The following COL5A1 variants were observed in gnomAD, a reference collection of about 807,000 sequenced individuals.
The protein encoded by COL5A1 is collagen alpha-1(V) chain.
Under a neutral mutation model 263.7 loss-of-function variants are expected in COL5A1, and 16 were observed. The observed-to-expected ratio is 0.06, with a 90% CI of 0.04 to 0.09. The LOEUF is 0.09. Ranked by LOEUF, COL5A1 falls within the 10% of genes least tolerant of loss-of-function variation. COL5A1 has a pLI of 1.00. For missense variants in COL5A1, 2,036 were observed against 2,540.5 expected, an observed-to-expected ratio of 0.80 and a Z score of 4.27; for synonymous variants, 1,012 against 1,004.5, an observed-to-expected ratio of 1.01 and a Z score of -0.14.
At chr9:134,839,277 C>T (rs1293010726) in intron 65 of COL5A1, among the ~76,000 whole-genome samples, 2 of 152,182 alleles carry the variant, frequency 1.3e-5, no homozygotes, top group East Asian at 3.9e-4. Flanking sequence ...TCTGGGGGGC[C>T]GTTCTGGCCT....
intron 4 of COL5A1, among the ~76,000 whole-genome samples, chr9:134,714,667 A>AGTG (rs1323982157): frequency 9.7e-5 from 1 of 10,356 alleles, no homozygotes; most frequent in South Asian, 4.1e-3. Flanking sequence ...AGGCGATGAT[A>AGTG]GTGGTGGTGG....
chr9:134,814,185 C>A, intron 49 of COL5A1, 149 bp downstream of exon 49: 1 of 806,538 alleles, frequency 1.2e-6, no homozygotes, highest in Non-Finnish European at 2.0e-6. Flanking sequence ...ATGGAATGAC[C>A]GTGAACAAGG....
chr9:134,811,713 G>A lies in COL5A1; in HGVS notation c.3690+114G>A. On this transcript the variant is annotated intron_variant, in intron 46 of 65. Coordinates refer to ENST00000371817, the MANE Select transcript of COL5A1 (RefSeq NM_000093.5). ...AATGGAAAACTAAAGCCAGGCTGCA[G>A]GGGGCCTCCTGGGCCTCCTCATTCC... The A allele has an allele frequency of 7.4e-6, 7 of 941,630 alleles. No homozygotes were observed. The East Asian group carries it at 1.3e-4, about 18-fold the overall frequency. 58.3% of individuals were successfully genotyped at this position (941,630 alleles called of 1,614,324 possible).
At chr9:134,654,500 T>A in intron 1 of COL5A1, among the ~76,000 whole-genome samples, 1 of 40,944 alleles carries the variant, frequency 2.4e-5, no homozygotes, top group East Asian at 7.8e-4. Context: ...GTAGAGCTGG[T>A]GTGTGTAGGG....
At position 134,717,072 on chromosome 9, in the gene COL5A1, C is replaced by T. The variant is rs78754759; in HGVS notation, c.655-10194C>T. 8.9e-4 allele frequency among the ~76,000 whole-genome samples: 136 copies of T among 152,232 alleles called. 1 individual carries two copies. In the East Asian group the frequency reaches 0.022, roughly 24 times the overall value. Reference sequence around the variant, plus strand: ...TTGTTTTTCCATTTTGTATGACTCACGGATGAAGAACATCAAAGCGAGATT... The same window carrying T: ...TTGTTTTTCCATTTTGTATGACTCATGGATGAAGAACATCAAAGCGAGATT... On this transcript the variant is annotated intron_variant, in intron 4 of 65. Transcript: ENST00000371817.
At chr9:134,809,343 T>TG (rs2132839085) in intron 43 of COL5A1, 53 bp downstream of exon 43, 1 of 1,364,640 alleles carries the variant, frequency 7.3e-7, no homozygotes, top group East Asian at 2.4e-5. Flanking sequence ...CAGACGGGTG[T>TG]GGGGGAGGGT....
intron 1 of COL5A1, among the ~76,000 whole-genome samples, chr9:134,688,316 C>T (rs761364226): frequency 1.2e-3 from 188 of 152,286 alleles, no homozygotes; most frequent in Admixed American, 3.5e-3. Context: ...CGGCCGGGAT[C>T]CTTGCTCCCC....
At chr9:134,825,652 C>T (rs1839235014) in intron 62 of COL5A1, 140 bp from the exon 63 acceptor site, 2 of 632,178 alleles carry the variant, frequency 3.2e-6, no homozygotes, top group Non-Finnish European at 6.0e-6. Flanking sequence ...ATAAAGTAAA[C>T]CCCAGAAAGG....
chr9:134,733,731 T>C (rs1834990040), intron 9 of COL5A1, among the ~76,000 whole-genome samples: 1 of 152,210 alleles, frequency 6.6e-6, no homozygotes, highest in African/African-American at 2.4e-5. Flanking sequence ...GCGGGCCTGT[T>C]CTGCTCTGCC....
chr9:134,644,105 G>C (rs1831391910), intron 1 of COL5A1, among the ~76,000 whole-genome samples: 1 of 151,966 alleles, frequency 6.6e-6, no homozygotes, highest in African/African-American at 2.4e-5. Context: ...AGTGAGTTTT[G>C]CCAACGTCTC....
intron 39 of COL5A1, among the ~76,000 whole-genome samples, 160 bp from the exon 40 acceptor site, chr9:134,804,815 A>G (rs1471759596): frequency 6.6e-6 from 1 of 152,134 alleles, no homozygotes; most frequent in Non-Finnish European, 1.5e-5. Context: ...CGCTGGCTCC[A>G]GGAGAGAAGG....
intron 62 of COL5A1, 137 bp downstream of exon 62, chr9:134,824,992 G>A: frequency 7.9e-7 from 1 of 1,259,612 alleles, no homozygotes; most frequent in Non-Finnish European, 1.1e-6. Context: ...CATCTGTGGG[G>A]CCGGGGTGCG....
chr9:134,703,037 G>A (rs569794247), intron 4 of COL5A1, among the ~76,000 whole-genome samples: 17 of 152,348 alleles, frequency 1.1e-4, no homozygotes, highest in South Asian at 4.1e-4. Context: ...AGTGCAGACC[G>A]CAGAGGAATG....
At chr9:134,775,805 C>T (rs1442846529) in intron 27 of COL5A1, among the ~76,000 whole-genome samples, 1 of 152,176 alleles carries the variant, frequency 6.6e-6, no homozygotes, top group Non-Finnish European at 1.5e-5. Context: ...AAATGACTCA[C>T]CAGCTCCCCT....
chr9:134,709,765 T>C (rs1277634461), intron 4 of COL5A1, among the ~76,000 whole-genome samples: 1 of 152,206 alleles, frequency 6.6e-6, no homozygotes, highest in African/African-American at 2.4e-5. Context: ...GAGCCGGCCT[T>C]ATCCAAAGAT....
intron 37 of COL5A1, among the ~76,000 whole-genome samples, chr9:134,800,425 G>A (rs1167422273): frequency 6.6e-6 from 1 of 152,176 alleles, no homozygotes; most frequent in Admixed American, 6.5e-5. Flanking sequence ...GGCTTAAAGA[G>A]GCGAGCCCTC....
Position 134,805,050 on chromosome 9 carries a change from C to G in COL5A1, c.3190C>G (p.Leu1064Val), listed in dbSNP as rs1461674444. ...GLRGFPGDRG[L>V]PGPVGALGLK... ...ACGTGGTTTCCCTGGGGACCGAGGG[C>G]TTCCTGGTCCAGTGGTGAGTGAGAG... Residue 1064 changes from leucine (L) to valine (V), a missense_variant, in exon 40 of 66, where the codon CTT (leucine) becomes GTT (valine). Transcript: ENST00000371817. 1.9e-6 allele frequency: 3 copies of G among 1,613,930 alleles called. No individual in the cohort carries two copies. In the Middle Eastern group the frequency reaches 4.9e-4, roughly 266 times the overall value.
chr9:134,817,127 A>C (rs10858283), intron 53 of COL5A1, 48 bp downstream of exon 53: 2 of 1,556,900 alleles, frequency 1.3e-6, no homozygotes, highest in Non-Finnish European at 8.9e-7. Flanking sequence ...CCTGCATGAA[A>C]CACCCCCGCC....
In COL5A1 at chr9:134,683,516, A is replaced by G. The variant is rs575432276; in HGVS notation, c.110-7396A>G. 8.5e-5 allele frequency among the ~76,000 whole-genome samples: 13 copies of G among 152,352 alleles called. No homozygotes were observed. The South Asian group carries it at 2.5e-3, about 29-fold the overall frequency. ...GATACACCAGTTTCTGTAGATGTTCAGGCACAGCTTGATCCAGCTACTCAA... is the reference window on the plus strand; with the variant it reads ...GATACACCAGTTTCTGTAGATGTTCGGGCACAGCTTGATCCAGCTACTCAA... On this transcript the variant is annotated intron_variant, in intron 1 of 65. Coordinates refer to ENST00000371817, the MANE Select transcript of COL5A1 (RefSeq NM_000093.5).
Sources: gnomAD v4.1 joint callset for allele counts (sites outside exome capture counted in the v4.1 genomes callset) on GRCh38, gnomAD v4.1.1 for gene constraint, MANE v1.5 for transcripts, NCBI Gene and HGNC (gene_info 2026-07-23, HGNC 2026-07-21) for gene names.